KDM4C: variants seen among roughly 807,000 people sequenced by gnomAD.
The protein encoded by KDM4C is lysine demethylase 4C.
Under a neutral mutation model 129.3 loss-of-function variants are expected in KDM4C, and 81 were observed. The observed-to-expected ratio is 0.63, with a 90% CI of 0.52 to 0.75. The LOEUF (loss-of-function observed/expected upper bound fraction) is 0.75. KDM4C is among the 30% of genes least tolerant of loss of function. The pLI, the probability that KDM4C is intolerant of heterozygous loss-of-function variation, is 0.00. For synonymous variants in KDM4C, 573 were observed against 456.1 expected (o/e 1.26, Z -3.26); for missense variants, 1,457 against 1,304.0 (o/e 1.12, Z -1.81).
At chr9:6,921,556 C>G (rs1321735184) in intron 8 of KDM4C, among the ~76,000 whole-genome samples, 1 of 152,232 alleles carries the variant, frequency 6.6e-6, no homozygotes. Context: ...CACTATTACT[C>G]TGGTCCAACC....
Position 6,981,108 on chromosome 9 carries a change from G to A in KDM4C, c.1105G>A (p.Ala369Thr), listed in dbSNP as rs758425089. The A allele has an allele frequency of 1.2e-6, 2 of 1,611,082 alleles. No homozygotes were observed. Among genetic ancestry groups the A allele is most frequent in the Non-Finnish European group, 8.5e-7 (1 of 1,178,834 alleles). ...WLQRRRKVRKASRSFQCARST... is the reference protein window; with the variant it reads ...WLQRRRKVRKTSRSFQCARST... ...GCAGAGGAGGAGGAAAGTAAGAAAAGCATCCCGAAGGTAATGACCCCTCAC... is the reference window on the plus strand; with the variant it reads ...GCAGAGGAGGAGGAAAGTAAGAAAAACATCCCGAAGGTAATGACCCCTCAC... Residue 369 changes from alanine (A) to threonine (T), a missense_variant, in exon 9 of 22, where the codon GCA becomes ACA. Ala to Thr is a moderately conservative substitution (Grantham distance 58). Coordinates refer to ENST00000381309, the MANE Select transcript of KDM4C (RefSeq NM_015061.6).
chr9:6,843,357 T>G (rs987401119), intron 4 of KDM4C, among the ~76,000 whole-genome samples: 2 of 152,236 alleles, frequency 1.3e-5, no homozygotes, highest in African/African-American at 2.4e-5. Flanking sequence ...AATGAAAAAT[T>G]TAAGCAATTT....
chr9:7,017,282 C>G (rs1261155908), intron 15 of KDM4C, among the ~76,000 whole-genome samples: 1 of 152,174 alleles, frequency 6.6e-6, no homozygotes, highest in Admixed American at 6.6e-5. Context: ...CCCACTTACT[C>G]ATCCTTACAT....
At position 6,965,351 on chromosome 9, in the gene KDM4C, A is replaced by G. The variant is rs150931552; in HGVS notation, c.922-15574A>G. Among the ~76,000 whole-genome samples, 1,096 of 151,986 alleles carry G rather than the reference A, an allele frequency of 7.2e-3. 13 individuals are homozygous for G. The highest frequency in any genetic ancestry group is 0.025 in the African/African-American group (1,021 of 41,516). Reference sequence around the variant, plus strand: ...TTATGACTAAATTATAAATTTATATATAGAGAGATATATATGACTAAATTA... The same window carrying G: ...TTATGACTAAATTATAAATTTATATGTAGAGAGATATATATGACTAAATTA... On this transcript the variant is annotated intron_variant, in intron 8 of 21. Coordinates refer to ENST00000381309, the MANE Select transcript of KDM4C (RefSeq NM_015061.6).
intron 8 of KDM4C, among the ~76,000 whole-genome samples, chr9:6,896,227 TA>T (rs768965944): frequency 3.9e-5 from 6 of 152,188 alleles, no homozygotes; most frequent in Non-Finnish European, 5.9e-5. Context: ...ATGGTAACTA[TA>T]AAAAAGTCAT....
In KDM4C at chr9:6,906,234, G is replaced by A. The variant is rs563711496; in HGVS notation, c.921+13002G>A. On this transcript the variant is annotated intron_variant, in intron 8 of 21. Coordinates refer to ENST00000381309, the MANE Select transcript of KDM4C (RefSeq NM_015061.6). ...TCTCCGTTTGCTTTCTGGAACTGAT[G>A]GACATGATTGCAGATGGTGTCAGAT... is the stretch of plus-strand genomic sequence containing the variant. Among the ~76,000 whole-genome samples the A allele has an allele frequency of 5.3e-5, 8 of 152,192 alleles. No homozygotes were observed. In the South Asian group the frequency reaches 1.7e-3, roughly 32 times the overall value.
At chr9:6,801,641 G>GTCTCTCTC (rs752049998) in intron 2 of KDM4C, among the ~76,000 whole-genome samples, 11 of 133,160 alleles carry the variant, frequency 8.3e-5, no homozygotes, top group Non-Finnish European at 1.5e-4. Context: ...CTCTCTCTCT[G>GTCTCTCTC]TCTCTCTCTC....
At chr9:6,747,826 C>T (rs148532576) in intron 1 of KDM4C, among the ~76,000 whole-genome samples, 40 of 152,266 alleles carry the variant, frequency 2.6e-4, no homozygotes, top group Non-Finnish European at 4.3e-4. Context: ...CCTGGAATGC[C>T]GTCCCTATCA....
At chr9:7,093,469 A>G (rs1445684603) in intron 17 of KDM4C, among the ~76,000 whole-genome samples, 1 of 152,136 alleles carries the variant, frequency 6.6e-6, no homozygotes, top group Non-Finnish European at 1.5e-5. Context: ...TATTCATTTT[A>G]TCTCTGTTCA....
intron 1 of KDM4C, among the ~76,000 whole-genome samples, chr9:6,760,335 G>C (rs1462691742): frequency 1.3e-5 from 2 of 151,778 alleles, no homozygotes; most frequent in African/African-American, 2.4e-5. Flanking sequence ...ATCACATTTT[G>C]TTTATTCATC....
At chr9:7,122,265 A>ACTCTCTCTCT (rs1554751922) in intron 18 of KDM4C, among the ~76,000 whole-genome samples, 31 of 144,818 alleles carry the variant, frequency 2.1e-4, no homozygotes, top group African/African-American at 3.9e-4. Flanking sequence ...ACACACACAC[A>ACTCTCTCTCT]CTCTCTCTCT....
At chr9:6,931,121 C>T (rs1035693108) in intron 8 of KDM4C, among the ~76,000 whole-genome samples, 5 of 151,804 alleles carry the variant, frequency 3.3e-5, no homozygotes, top group Non-Finnish European at 5.9e-5. Context: ...TCTCTCTTCT[C>T]ACCCCCCCCA....
At chr9:7,109,181 T>C (rs1838037375) in intron 18 of KDM4C, among the ~76,000 whole-genome samples, 1 of 152,226 alleles carries the variant, frequency 6.6e-6, no homozygotes, top group African/African-American at 2.4e-5. Flanking sequence ...TTGCCAGATC[T>C]GAAACTAAAG....
intron 1 of KDM4C, among the ~76,000 whole-genome samples, chr9:6,784,027 GGAA>G (rs1563996443): frequency 2.6e-5 from 4 of 152,100 alleles, no homozygotes; most frequent in Non-Finnish European, 4.4e-5. Flanking sequence ...TAGGCAGTGA[GGAA>G]GAAGCTCATG....
Position 7,136,960 on chromosome 9 carries a change from C to T in KDM4C, c.2781+8724C>T, listed in dbSNP as rs575909024. Among the ~76,000 whole-genome samples, 11 of 152,328 alleles carry T rather than the reference C, an allele frequency of 7.2e-5. No individual in the cohort carries two copies. In the South Asian group the frequency reaches 8.3e-4, roughly 11 times the overall value. ...AAGCAGCTCCAGGGAAAACTCAAGC[C>T]TTCAATGTTTTAGCTTTCTTGTGAG... is the stretch of plus-strand genomic sequence containing the variant. On this transcript the variant is annotated intron_variant, in intron 19 of 21. Coordinates refer to ENST00000381309, the MANE Select transcript of KDM4C (RefSeq NM_015061.6).
chr9:6,785,440 G>A (rs1825281335), intron 1 of KDM4C, among the ~76,000 whole-genome samples: 1 of 151,826 alleles, frequency 6.6e-6, no homozygotes. Context: ...GGGTTCAAGC[G>A]ATTCTTCTGC....
chr9:6,789,040 A>ATT (rs1447895426), intron 1 of KDM4C, among the ~76,000 whole-genome samples: 3 of 149,616 alleles, frequency 2.0e-5, no homozygotes, highest in African/African-American at 7.4e-5. Context: ...CCAGATCCAG[A>ATT]TTTTTGTTTT....
chr9:6,740,413 C>T (rs955252072), intron 1 of KDM4C, among the ~76,000 whole-genome samples: 3 of 152,006 alleles, frequency 2.0e-5, no homozygotes, highest in African/African-American at 7.3e-5. Flanking sequence ...CCGTGTTAGC[C>T]AGGATGGTCT....
chr9:6,826,766 C>A (rs940533179), intron 4 of KDM4C, among the ~76,000 whole-genome samples: 3 of 151,604 alleles, frequency 2.0e-5, no homozygotes, highest in African/African-American at 7.3e-5. Flanking sequence ...ATTGGGGAAG[C>A]TGAGGCAGGA....
Sources: gnomAD v4.1 joint callset for allele counts (sites outside exome capture counted in the v4.1 genomes callset) on GRCh38, gnomAD v4.1.1 for gene constraint, MANE v1.5 for transcripts, NCBI Gene and HGNC (gene_info 2026-07-23, HGNC 2026-07-21) for gene names.